The following PLEKHG1 variants were observed in gnomAD, a reference collection of about 807,000 sequenced individuals.
PLEKHG1 encodes pleckstrin homology and RhoGEF domain containing G1.
Under a neutral mutation model 100.8 loss-of-function variants are expected in PLEKHG1, and 44 were observed. That is an observed-to-expected ratio of 0.44 (90% CI 0.34 to 0.56). The LOEUF is 0.56. PLEKHG1 is among the 20% of genes least tolerant of loss of function. The pLI, the probability that PLEKHG1 is intolerant of heterozygous loss-of-function variation, is 0.01. For missense variants in PLEKHG1, 1,545 were observed against 1,720.9 expected (o/e 0.90, Z 1.81); for synonymous variants, 640 against 662.5 (o/e 0.97, Z 0.52).
chr6:150,829,755 C>T (rs1776806342), intron 14 of PLEKHG1, among the ~76,000 whole-genome samples: 1 of 152,106 alleles, frequency 6.6e-6, no homozygotes, highest in Non-Finnish European at 1.5e-5. Context: ...GATTAAATTA[C>T]ACTCCTACAA....
chr6:150,800,949 G>T, intron 6 of PLEKHG1, 80 bp downstream of exon 7: 1 of 1,171,830 alleles, frequency 8.5e-7, no homozygotes, highest in South Asian at 1.3e-5. Flanking sequence ...GAAAATACCA[G>T]AAAATGCTAT....
At chr6:150,822,177 A>AC (rs1554279548) in intron 13 of PLEKHG1, among the ~76,000 whole-genome samples, 7,898 of 124,236 alleles carry the variant, frequency 0.064, 777 homozygotes, top group Non-Finnish European at 0.095. Context: ...AAAAAAAAAA[A>AC]AGAATAGGGC....
At chr6:150,745,991 G>C (rs926057501) in intron 2 of PLEKHG1, among the ~76,000 whole-genome samples, 2 of 151,334 alleles carry the variant, frequency 1.3e-5, no homozygotes, top group Non-Finnish European at 3.0e-5. Context: ...AGACTGAGAG[G>C]AAAGAGAAAA....
chr6:150,754,354 G>T (rs1044093289), intron 2 of PLEKHG1, among the ~76,000 whole-genome samples: 5 of 152,192 alleles, frequency 3.3e-5, no homozygotes, highest in African/African-American at 1.2e-4. Flanking sequence ...AGCCCAGGAA[G>T]GTCGGGAGGG....
intron 3 of PLEKHG1, among the ~76,000 whole-genome samples, chr6:150,708,546 A>G (rs572187314): frequency 6.6e-6 from 1 of 152,340 alleles, no homozygotes; most frequent in African/African-American, 2.4e-5. Flanking sequence ...GTTAGGGGAT[A>G]GCTACAAAGA....
intron 3 of PLEKHG1, among the ~76,000 whole-genome samples, chr6:150,697,947 GTTTTT>G (rs66537666): frequency 2.7e-5 from 4 of 150,890 alleles, no homozygotes; most frequent in African/African-American, 9.8e-5. Context: ...TTGTTGTTGG[GTTTTT>G]TTTTGTTTGT....
intron 13 of PLEKHG1, among the ~76,000 whole-genome samples, chr6:150,823,026 G>C (rs1776392485): frequency 6.6e-6 from 1 of 152,184 alleles, no homozygotes; most frequent in Admixed American, 6.5e-5. Context: ...TGGTGGGATG[G>C]GAGTAGTGCA....
chr6:150,741,871 G>A (rs1330508222), intron 2 of PLEKHG1, among the ~76,000 whole-genome samples: 1 of 152,230 alleles, frequency 6.6e-6, no homozygotes, highest in Non-Finnish European at 1.5e-5. Flanking sequence ...AGGGAGAGTT[G>A]TGTACGTTGT....
chr6:150,708,408 T>A (rs759523883), intron 3 of PLEKHG1, among the ~76,000 whole-genome samples: 1 of 152,206 alleles, frequency 6.6e-6, no homozygotes, highest in African/African-American at 2.4e-5. Flanking sequence ...ATTCCCCACA[T>A]AGAATCTGTG....
chr6:150,688,048 A>C (rs1003782719), intron 3 of PLEKHG1, among the ~76,000 whole-genome samples: 14 of 152,222 alleles, frequency 9.2e-5, no homozygotes, highest in African/African-American at 3.4e-4. Context: ...TTTGTCATTT[A>C]ACCAGGTATC....
rs72117887 is a variant in PLEKHG1 at position 150,821,832 on chromosome 6, ATT to A, written c.1447+609_1447+610del. On this transcript the variant is annotated intron_variant, in intron 13 of 15. Coordinates refer to ENST00000358517, the Ensembl canonical transcript of PLEKHG1. ...AAAAGAAAAGACAGAGGACTCTTTT[ATT>A]TTTTTTTTTATTTTTTTATTTTTTG... Among the ~76,000 whole-genome samples the A allele has an allele frequency of 2.8e-4, 41 of 149,028 alleles. 1 individual carries two copies. The highest frequency in any genetic ancestry group is 8.5e-4 in the South Asian group (4 of 4,696).
chr6:150,789,781 C>T (rs1427479173), intron 4 of PLEKHG1, among the ~76,000 whole-genome samples: 1 of 152,014 alleles, frequency 6.6e-6, no homozygotes, highest in Non-Finnish European at 1.5e-5. Context: ...GAGAAAAGTC[C>T]CCATTTGGTA....
chr6:150,837,608 A>G (rs567989766), intron 15 of PLEKHG1, among the ~76,000 whole-genome samples: 5 of 152,368 alleles, frequency 3.3e-5, no homozygotes, highest in African/African-American at 1.2e-4. Context: ...AGCCTTCCTG[A>G]TACAGCTGTG....
intron 2 of PLEKHG1, among the ~76,000 whole-genome samples, chr6:150,745,366 G>A (rs937963536): frequency 2.0e-5 from 3 of 152,076 alleles, no homozygotes; most frequent in African/African-American, 7.2e-5. Context: ...ACTCTATGAC[G>A]CATAACATAT....
chr6:150,740,742 T>A (rs1171452845), intron 2 of PLEKHG1, among the ~76,000 whole-genome samples: 1 of 152,210 alleles, frequency 6.6e-6, no homozygotes, highest in East Asian at 1.9e-4. Flanking sequence ...TATGTGAATG[T>A]GTCTATTTTT....
At chr6:150,774,531 A>ATTTTTTTTTTTTTTT (rs61521577) in intron 3 of PLEKHG1, among the ~76,000 whole-genome samples, 1 of 87,112 alleles carries the variant, frequency 1.1e-5, no homozygotes, top group African/African-American at 3.8e-5. Context: ...ATTAGTTTGA[A>ATTTTTTTTTTTTTTT]TTTTTTTTTT....
chr6:150,750,007 G>A (rs1191188147), intron 2 of PLEKHG1, among the ~76,000 whole-genome samples: 1 of 149,678 alleles, frequency 6.7e-6, no homozygotes, highest in Admixed American at 6.7e-5. Context: ...AGGAGGCTGA[G>A]GTTGCAGTAA....
At chr6:150,669,801 T>C (rs1779524832) in intron 3 of PLEKHG1, among the ~76,000 whole-genome samples, 1 of 152,028 alleles carries the variant, frequency 6.6e-6, no homozygotes, top group African/African-American at 2.4e-5. Context: ...TTTCACTATG[T>C]TGGCCAGACT....
At chr6:150,765,546 G>A (rs1390956465) in intron 2 of PLEKHG1, among the ~76,000 whole-genome samples, 2 of 151,762 alleles carry the variant, frequency 1.3e-5, no homozygotes, top group East Asian at 3.9e-4. Context: ...AAGTGCAGGA[G>A]CTATTAACTA....
Sources: gnomAD v4.1 joint callset for allele counts (sites outside exome capture counted in the v4.1 genomes callset) on GRCh38, gnomAD v4.1.1 for gene constraint, MANE v1.5 for transcripts, NCBI Gene and HGNC (gene_info 2026-07-23, HGNC 2026-07-21) for gene names.